The following RACGAP1 variants were observed in gnomAD, a reference collection of about 807,000 sequenced individuals.
The protein encoded by RACGAP1 is Rac GTPase activating protein 1.
A neutral mutation model predicts 78.1 loss-of-function variants in RACGAP1; 30 were observed. The observed-to-expected ratio is 0.38, with a 90% CI of 0.29 to 0.52. The LOEUF (loss-of-function observed/expected upper bound fraction) is 0.52, where lower values mean the gene tolerates loss of function less well. Ranked by LOEUF, RACGAP1 falls within the 20% of genes least tolerant of loss-of-function variation. The pLI, the probability that RACGAP1 is intolerant of heterozygous loss-of-function variation, is 0.82. For synonymous variants in RACGAP1, 231 were observed against 264.8 expected, an observed-to-expected ratio of 0.87 and a Z score of 1.24; for missense variants, 587 against 777.1, an observed-to-expected ratio of 0.76 and a Z score of 2.91.
At chr12:50,030,310 C>G (rs1950320217), upstream of RACGAP1, among the ~76,000 whole-genome samples, 1 of 149,926 alleles carries the variant, frequency 6.7e-6, no homozygotes, top group Non-Finnish European at 1.5e-5. Context: ...GATTGCACCA[C>G]TGCACTCCAG....
chr12:49,994,593 T>G, intron 10 of RACGAP1, 84 bp from the exon 11 acceptor site: 4 of 1,512,146 alleles, frequency 2.6e-6, no homozygotes, highest in Non-Finnish European at 2.6e-6. Flanking sequence ...CCACCTCCAA[T>G]CTTATTCTCA....
At chr12:49,995,455 A>T (rs1948197935) in intron 10 of RACGAP1, among the ~76,000 whole-genome samples, 1 of 152,162 alleles carries the variant, frequency 6.6e-6, no homozygotes, top group Admixed American at 6.6e-5. Context: ...GTAGGTAGGA[A>T]GATAGTCATT....
At chr12:50,021,071 C>T (rs1365596715) in intron 1 of RACGAP1, 22 of 974,342 alleles carry the variant, frequency 2.3e-5, no homozygotes, top group Middle Eastern at 1.1e-3. Flanking sequence ...CCCTATTCAA[C>T]GTCAATTGAA....
At chr12:49,996,628 T>TAAAAAAAAAAAAAAAAAA (rs57512055) in intron 10 of RACGAP1, among the ~76,000 whole-genome samples, 3 of 18,996 alleles carry the variant, frequency 1.6e-4, no homozygotes, top group African/African-American at 4.5e-4. Flanking sequence ...GCAATAGAGC[T>TAAAAAAAAAAAAAAAAAA]AAAAAAAAAA....
chr12:49,990,381 T>C (rs987574276), intron 16 of RACGAP1, 38 bp from the exon 17 acceptor site: 8 of 1,534,712 alleles, frequency 5.2e-6, no homozygotes, highest in Non-Finnish European at 7.2e-6. Flanking sequence ...AAATATTCTA[T>C]AAAAAATGGT....
rs767109770 is a variant in RACGAP1 at position 49,990,279 on chromosome 12, T to C, written c.1888A>G (p.Met630Val). Residue 630 changes from methionine to valine, a missense_variant, in exon 17 of 17, where the codon ATG becomes GTG. Transcript: ENST00000312377. ...GRQGNFFASP[M>V]LK ...AGGCAGATGTGACTTCACTTGAGCA[T>C]TGGAGAAGCAAAAAAGTTGCCTTGT... 116 of 1,613,284 alleles carry C rather than the reference T, an allele frequency of 7.2e-5. No homozygotes were observed. The highest frequency in any genetic ancestry group is 8.9e-5 in the Non-Finnish European group (105 of 1,179,356).
At chr12:50,004,194 T>C in intron 5 of RACGAP1, 41 bp downstream of exon 5, 2 of 1,582,006 alleles carry the variant, frequency 1.3e-6, no homozygotes, top group South Asian at 2.2e-5. Context: ...GAAGCAGAGG[T>C]AAGAAAAGTA....
chr12:50,027,968 G>A (rs58420669), upstream of RACGAP1, among the ~76,000 whole-genome samples: 8,753 of 152,208 alleles, frequency 0.058, 839 homozygotes, highest in African/African-American at 0.2. Flanking sequence ...GGCCTGAGAA[G>A]GAAAAGGAGA....
chr12:50,010,259 T>A (rs1425825246), intron 2 of RACGAP1, among the ~76,000 whole-genome samples: 2 of 151,960 alleles, frequency 1.3e-5, no homozygotes, highest in Non-Finnish European at 2.9e-5. Context: ...TCATCTTTTT[T>A]AAAATATTAA....
intron 3 of RACGAP1, 36 bp from the exon 4 acceptor site, chr12:50,005,428 C>A (rs1948916608): frequency 1.2e-6 from 2 of 1,609,456 alleles, no homozygotes; most frequent in Non-Finnish European, 1.7e-6. Flanking sequence ...TCATAACTAG[C>A]CAGGGGAGAA....
chr12:50,028,149 ACT>A (rs1314500211), upstream of RACGAP1, among the ~76,000 whole-genome samples: 1 of 152,098 alleles, frequency 6.6e-6, no homozygotes, highest in Non-Finnish European at 1.5e-5. Context: ...GTAAAGGTAG[ACT>A]CTCTATTTAG....
At chr12:50,010,601 G>A (rs969627687) in intron 2 of RACGAP1, among the ~76,000 whole-genome samples, 5 of 151,792 alleles carry the variant, frequency 3.3e-5, no homozygotes, top group Admixed American at 2.6e-4. Context: ...GGGATTACAG[G>A]TGTGAGCCAC....
Position 50,025,456 on chromosome 12 carries a change from G to A in RACGAP1, c.-63C>T, listed in dbSNP as rs1057080168. 3.2e-5 allele frequency: 32 copies of A among 985,548 alleles called. No homozygotes were observed. The highest frequency in any genetic ancestry group is 1.2e-4 in the Admixed American group (2 of 16,268). The allele number at this position is 985,548 out of a possible 1,614,324, so 61.1% of individuals were successfully genotyped here. A position where few individuals can be genotyped will look rare whatever the true frequency, so the allele number is the denominator to read the frequency against. On this transcript the variant is annotated 5_prime_UTR_variant, in exon 1 of 17. Transcript: ENST00000312377. ...CACTTCGCTCCGCGCCTCACCCAAC[G>A]GCAGAGCAGCGCCGCGCCCACAGCT...
At chr12:50,013,753 T>A (rs1949491355) in intron 2 of RACGAP1, among the ~76,000 whole-genome samples, 1 of 152,260 alleles carries the variant, frequency 6.6e-6, no homozygotes, top group South Asian at 2.1e-4. Context: ...CTTGGGATTC[T>A]ACCCTACAGC....
At chr12:49,990,381 TA>T (rs764888220) in intron 16 of RACGAP1, 38 bp from the exon 17 acceptor site, 1 of 1,534,826 alleles carries the variant, frequency 6.5e-7, no homozygotes, top group East Asian at 2.3e-5. Flanking sequence ...AAATATTCTA[TA>T]AAAAATGGTT....
chr12:49,989,913 G>A lies in RACGAP1; in HGVS notation c.*355C>T, dbSNP rs114695613. The A allele has an allele frequency of 2.6e-3, 496 of 188,938 alleles. 3 individuals carry two copies. Among genetic ancestry groups the A allele is most frequent in the African/African-American group, 0.011 (461 of 42,988 alleles). 11.7% of individuals were successfully genotyped at this position (188,938 alleles called of 1,614,324 possible). On this transcript the variant is annotated 3_prime_UTR_variant, in exon 17 of 17. Transcript: ENST00000312377. Reference sequence around the variant, plus strand: ...TGTCTCACGGAAATCAGTTCTAAATGAAACTAGAGAAAGATCATTCTATGA... The same window carrying A: ...TGTCTCACGGAAATCAGTTCTAAATAAAACTAGAGAAAGATCATTCTATGA...
chr12:50,000,059 G>A (rs1313145723), intron 7 of RACGAP1, among the ~76,000 whole-genome samples: 2 of 124,488 alleles, frequency 1.6e-5, no homozygotes, highest in African/African-American at 5.9e-5. Context: ...TGTCGCCCAC[G>A]CTGGAGTACA....
chr12:49,990,103 G>C lies in RACGAP1; in HGVS notation c.*165C>G, dbSNP rs1479684667. 1 of 516,152 alleles carries C rather than the reference G, an allele frequency of 1.9e-6. No individual in the cohort carries two copies. The highest frequency in any genetic ancestry group is 1.9e-5 in the African/African-American group (1 of 53,412). 32.0% of individuals were successfully genotyped at this position (516,152 alleles called of 1,614,324 possible). A position where few individuals can be genotyped will look rare whatever the true frequency, so the allele number is the denominator to read the frequency against. ...ATTATGTGACTTGAGGAGAAGGAAG[G>C]GGAGATATATATAGTTTTAATAAAA... On this transcript the variant is annotated 3_prime_UTR_variant, in exon 17 of 17. Coordinates refer to ENST00000312377, the MANE Select transcript of RACGAP1 (RefSeq NM_001319999.2).
chr12:50,026,189 G>C (rs964914407), upstream of RACGAP1, among the ~76,000 whole-genome samples: 8 of 149,746 alleles, frequency 5.3e-5, no homozygotes, highest in African/African-American at 2.0e-4. Context: ...TTGCAACCGG[G>C]TAATGAAAAC....
Sources: allele counts gnomAD v4.1 joint callset (sites outside exome capture counted in the v4.1 genomes callset), GRCh38; gene constraint gnomAD v4.1.1; transcripts MANE v1.5; gene names NCBI Gene and HGNC (gene_info 2026-07-23, HGNC 2026-07-21).